Variants in LINGO2 observed in about 807,000 individuals in gnomAD.
LINGO2 encodes leucine rich repeat and Ig domain containing 2.
A neutral mutation model predicts 30.6 loss-of-function variants in LINGO2; 14 were observed. The observed-to-expected ratio is 0.46, with a 90% CI of 0.30 to 0.72. The LOEUF is 0.72. Ranked by LOEUF, LINGO2 falls within the 30% of genes least tolerant of loss-of-function variation. The probability of loss-of-function intolerance (pLI) is 0.07; values close to 1 mark genes in which losing one functional copy is unlikely to be tolerated. For missense variants in LINGO2, 729 were observed against 751.7 expected, an observed-to-expected ratio of 0.97 and a Z score of 0.35; for synonymous variants, 317 against 288.5, an observed-to-expected ratio of 1.10 and a Z score of -1.00.
intron 1 of LINGO2, among the ~76,000 whole-genome samples, chr9:28,656,288 C>T (rs77064900): frequency 0.023 from 3,550 of 151,702 alleles, 127 homozygotes; most frequent in African/African-American, 0.076. Context: ...TCTCAAAGTG[C>T]GTTATCCTAT....
chr9:28,272,226 C>A (rs918861620), intron 4 of LINGO2, among the ~76,000 whole-genome samples: 4 of 152,084 alleles, frequency 2.6e-5, no homozygotes, highest in African/African-American at 9.7e-5. Flanking sequence ...GCCAGAGGAA[C>A]CCTGACAACA....
rs1214748406 is a variant in LINGO2 at position 28,453,000 on chromosome 9, A to G, written c.-279+22940T>C. 3.3e-5 allele frequency among the ~76,000 whole-genome samples: 5 copies of G among 151,960 alleles called. No homozygotes were observed. The East Asian group carries it at 9.6e-4, about 29-fold the overall frequency. On this transcript the variant is annotated intron_variant, in intron 2 of 5. Transcript: ENST00000379992. The stretch of plus-strand genomic sequence containing the variant: ...TATTTGCCAAATATATAAAATTGGG[A>G]AAAGTTTAGACTTAGCATTAAGATC...
At chr9:28,264,439 A>G (rs1187267855) in intron 4 of LINGO2, among the ~76,000 whole-genome samples, 2 of 152,026 alleles carry the variant, frequency 1.3e-5, no homozygotes, top group African/African-American at 4.8e-5. Flanking sequence ...TTAACTTAAT[A>G]TAAATCCATA....
intron 4 of LINGO2, among the ~76,000 whole-genome samples, chr9:28,229,033 C>G (rs1333382035): frequency 1.3e-5 from 2 of 151,672 alleles, no homozygotes; most frequent in Non-Finnish European, 3.0e-5. Flanking sequence ...GAATAGAGAT[C>G]ATTCTCATGG....
intron 1 of LINGO2, among the ~76,000 whole-genome samples, chr9:28,605,117 T>A (rs180825411): frequency 3.3e-4 from 50 of 152,192 alleles, no homozygotes; most frequent in African/African-American, 1.1e-3. Context: ...ATGTGTCTAG[T>A]TTAAATTTAG....
chr9:28,504,063 C>T (rs1011480436), intron 1 of LINGO2, among the ~76,000 whole-genome samples: 3 of 151,812 alleles, frequency 2.0e-5, no homozygotes, highest in African/African-American at 7.2e-5. Flanking sequence ...AAGGTCAGAT[C>T]TATAGTGCCT....
At chr9:28,320,364 A>G (rs1480299045) in intron 3 of LINGO2, among the ~76,000 whole-genome samples, 2 of 152,148 alleles carry the variant, frequency 1.3e-5, no homozygotes, top group Non-Finnish European at 2.9e-5. Flanking sequence ...GTTTCTGTCA[A>G]TCCCAATATT....
chr9:29,162,139 T>C, the LINGO2 span, among the ~76,000 whole-genome samples: 2 of 152,096 alleles, frequency 1.3e-5, no homozygotes, highest in African/African-American at 4.8e-5. Flanking sequence ...AGGCTGGTCT[T>C]GAACTCCTGG....
the LINGO2 span, among the ~76,000 whole-genome samples, chr9:28,722,860 C>G: frequency 1.3e-5 from 2 of 152,016 alleles, no homozygotes; most frequent in Non-Finnish European, 2.9e-5. Flanking sequence ...GCTATAGAGT[C>G]AAAGGCAATT....
intron 5 of LINGO2, among the ~76,000 whole-genome samples, chr9:27,971,372 G>A (rs1002784848): frequency 3.9e-5 from 6 of 151,936 alleles, no homozygotes; most frequent in African/African-American, 1.5e-4. Context: ...TGTGAAAAAT[G>A]ATTTGAAATT....
At chr9:28,045,533 A>G (rs1824380745) in intron 4 of LINGO2, among the ~76,000 whole-genome samples, 1 of 152,208 alleles carries the variant, frequency 6.6e-6, no homozygotes. Context: ...TAAACATGTA[A>G]AATGAAGTAT....
chr9:28,495,199 G>C (rs1819559043), intron 1 of LINGO2, among the ~76,000 whole-genome samples: 1 of 151,514 alleles, frequency 6.6e-6, no homozygotes, highest in African/African-American at 2.4e-5. Flanking sequence ...TTTTTCTACT[G>C]TGCAGAAGCT....
chr9:28,070,516 A>C (rs1825443151), intron 4 of LINGO2, among the ~76,000 whole-genome samples: 1 of 152,152 alleles, frequency 6.6e-6, no homozygotes, highest in African/African-American at 2.4e-5. Context: ...TTCCATCTAC[A>C]TAATGCTAGG....
intron 3 of LINGO2, among the ~76,000 whole-genome samples, chr9:28,318,825 T>C (rs555094401): frequency 6.5e-4 from 99 of 152,302 alleles, no homozygotes; most frequent in African/African-American, 2.3e-3. Flanking sequence ...CTTGGGTGCT[T>C]TCTCTAGGCT....
intron 4 of LINGO2, among the ~76,000 whole-genome samples, chr9:28,262,122 G>A (rs1822583948): frequency 1.3e-5 from 2 of 151,784 alleles, no homozygotes; most frequent in Non-Finnish European, 2.9e-5. Flanking sequence ...TAATCTTTTT[G>A]TGCATGCTTT....
intron 1 of LINGO2, among the ~76,000 whole-genome samples, chr9:28,635,112 G>C (rs143890529): frequency 6.6e-6 from 1 of 152,244 alleles, no homozygotes; most frequent in African/African-American, 2.4e-5. Context: ...TGACATTTTG[G>C]AGAATCTGGA....
the LINGO2 span, among the ~76,000 whole-genome samples, chr9:28,732,353 CAA>C: frequency 1.4e-5 from 2 of 144,202 alleles, no homozygotes; most frequent in Non-Finnish European, 3.0e-5. Context: ...CACATTATTC[CAA>C]AAAAAAATGA....
At chr9:28,845,844 G>A in the LINGO2 span, among the ~76,000 whole-genome samples, 1 of 151,592 alleles carries the variant, frequency 6.6e-6, no homozygotes, top group East Asian at 1.9e-4. Flanking sequence ...AAATTTTAAT[G>A]TATCTATGTG....
At chr9:28,027,250 C>A (rs1413234365) in intron 4 of LINGO2, among the ~76,000 whole-genome samples, 1 of 152,154 alleles carries the variant, frequency 6.6e-6, no homozygotes, top group Non-Finnish European at 1.5e-5. Flanking sequence ...TACACTAAAG[C>A]ATCCCCATTT....
Sources: gnomAD v4.1 joint callset for allele counts (sites outside exome capture counted in the v4.1 genomes callset) on GRCh38, gnomAD v4.1.1 for gene constraint, MANE v1.5 for transcripts, NCBI Gene and HGNC (gene_info 2026-07-23, HGNC 2026-07-21) for gene names.